HELZ: variants seen among roughly 807,000 people sequenced by gnomAD.
HELZ encodes the protein helicase with zinc finger.
A neutral mutation model predicts 218.2 loss-of-function variants in HELZ; 23 were observed. That is an observed-to-expected ratio of 0.11 (90% CI 0.08 to 0.15). The LOEUF is 0.15. Ranked by LOEUF, HELZ falls within the 10% of genes least tolerant of loss-of-function variation. HELZ has a pLI of 1.00. For missense variants in HELZ, 1,813 were observed against 2,353.7 expected, an observed-to-expected ratio of 0.77 and a Z score of 4.75; for synonymous variants, 814 against 829.4, an observed-to-expected ratio of 0.98 and a Z score of 0.32.
chr17:67,190,458 C>T (rs1439363210), intron 9 of HELZ, 103 bp from the exon 10 acceptor site: 3 of 826,452 alleles, frequency 3.6e-6, no homozygotes, highest in Admixed American at 4.6e-5. Flanking sequence ...AACAAAACTT[C>T]ATGTGCTGAA....
intron 3 of HELZ, among the ~76,000 whole-genome samples, chr17:67,229,542 C>T (rs2040981918): frequency 6.6e-6 from 1 of 152,120 alleles, no homozygotes; most frequent in Non-Finnish European, 1.5e-5. Context: ...AATTAGAATC[C>T]ATTTTATACC....
chr17:67,109,716 T>G (rs776850474), intron 28 of HELZ, 30 bp from the exon 29 acceptor site: 6 of 1,526,624 alleles, frequency 3.9e-6, no homozygotes, highest in Non-Finnish European at 5.4e-6. Context: ...CTTTTTTAAC[T>G]GCAGAAGATT....
At chr17:67,080,436 T>C (rs1045712242) in intron 32 of HELZ, among the ~76,000 whole-genome samples, 11 of 152,226 alleles carry the variant, frequency 7.2e-5, no homozygotes, top group Admixed American at 5.2e-4. Context: ...AGATAAATTC[T>C]GGATATTCTC....
intron 24 of HELZ, among the ~76,000 whole-genome samples, chr17:67,126,056 G>C (rs1404458333): frequency 6.6e-6 from 1 of 152,184 alleles, no homozygotes; most frequent in Non-Finnish European, 1.5e-5. Context: ...CCAACAACCT[G>C]CATGATCTTG....
Position 67,077,519 on chromosome 17 carries a change from T to C in HELZ, c.*733A>G, listed in dbSNP as rs2036049310. 1 of 152,254 alleles carries C rather than the reference T, an allele frequency of 6.6e-6. No individual in the cohort carries two copies. Among genetic ancestry groups the C allele is most frequent in the African/African-American group, 2.4e-5 (1 of 41,400 alleles). The allele number at this position is 152,254 out of a possible 1,614,324, so 9.4% of individuals were successfully genotyped here. On this transcript the variant is annotated 3_prime_UTR_variant, in exon 33 of 33. Transcript: ENST00000358691. ...AAAAACACACACTATCAAATTAACATTAAAAACAAGCTTGAAGTGTAGCTT... is the reference window on the plus strand; with the variant it reads ...AAAAACACACACTATCAAATTAACACTAAAAACAAGCTTGAAGTGTAGCTT...
intron 6 of HELZ, among the ~76,000 whole-genome samples, chr17:67,202,576 G>A (rs2040195806): frequency 6.6e-6 from 1 of 152,118 alleles, no homozygotes; most frequent in Non-Finnish European, 1.5e-5. Context: ...CCATCAGAGT[G>A]GTTATGGATA....
At chr17:67,124,366 T>G (rs1202954993) in intron 24 of HELZ, among the ~76,000 whole-genome samples, 6 of 152,222 alleles carry the variant, frequency 3.9e-5, no homozygotes, top group African/African-American at 1.4e-4. Flanking sequence ...ATACATTTTC[T>G]AACAAATCAC....
intron 5 of HELZ, among the ~76,000 whole-genome samples, chr17:67,208,049 G>A (rs2040350716): frequency 6.6e-6 from 1 of 152,054 alleles, no homozygotes; most frequent in Admixed American, 6.6e-5. Context: ...ACCATGGTGA[G>A]TGGAAAAAAG....
At chr17:67,183,844 C>T (rs913595761) in intron 12 of HELZ, among the ~76,000 whole-genome samples, 2 of 151,678 alleles carry the variant, frequency 1.3e-5, no homozygotes, top group Non-Finnish European at 2.9e-5. Flanking sequence ...GAACCCGAAT[C>T]TCCCCAACAA....
intron 3 of HELZ, among the ~76,000 whole-genome samples, chr17:67,221,396 C>T (rs572756247): frequency 6.6e-6 from 1 of 152,316 alleles, no homozygotes; most frequent in South Asian, 2.1e-4. Context: ...TTCATAAAGT[C>T]CATGGATACC....
At position 67,128,675 on chromosome 17, in the gene HELZ, G is replaced by T; in HGVS notation, c.3363C>A (p.Asn1121Lys). The change falls in exon 24 of 33, where the codon AAC becomes AAA. Residue 1121 changes from asparagine to lysine, a missense_variant. Physicochemically the swap from Asn to Lys is moderately conservative, Grantham distance 94. Around this residue, in one of 4 missense-constraint regions of HELZ, gnomAD observed 938 missense variants for 1,027.5 expected, o/e 0.91. Transcript: ENST00000358691. ...CCTTGGGTGGTGATTGCTGCTGTTT[G>T]TTGGTACTTCCTGAATGCTGCAGTC... ...ALRLQHSGST[N>K]KQQQSPPKGK... is the part of the protein sequence containing the mutation. The T allele has an allele frequency of 6.2e-7, 1 of 1,614,126 alleles. No homozygotes were observed.
intron 23 of HELZ, among the ~76,000 whole-genome samples, chr17:67,129,289 A>G (rs984178814): frequency 6.6e-6 from 1 of 152,006 alleles, no homozygotes; most frequent in Non-Finnish European, 1.5e-5. Flanking sequence ...TATAAATCAC[A>G]TAATTCTAAT....
intron 31 of HELZ, among the ~76,000 whole-genome samples, chr17:67,095,208 A>G (rs2036705973): frequency 6.6e-6 from 1 of 152,188 alleles, no homozygotes; most frequent in Admixed American, 6.5e-5. Context: ...AGATTCCATC[A>G]CAAAAAAACA....
intron 28 of HELZ, 22 bp downstream of exon 28, chr17:67,114,302 A>T (rs1195701263): frequency 2.0e-5 from 30 of 1,526,140 alleles, no homozygotes; most frequent in Non-Finnish European, 2.5e-5. Flanking sequence ...CACTAGGACA[A>T]CACAGTAACT....
Position 67,158,380 on chromosome 17 carries a change from C to T in HELZ, c.2177+1881G>A, listed in dbSNP as rs184164295. ...CTCAGTCATTCTAATCTTCTCTATT[C>T]CATTTCACATGCCTCCCATGTTTGT... On this transcript the variant is annotated intron_variant, in intron 17 of 32. Coordinates refer to ENST00000358691, the MANE Select transcript of HELZ (RefSeq NM_014877.4). 1.4e-3 allele frequency among the ~76,000 whole-genome samples: 213 copies of T among 152,268 alleles called. 1 individual carries two copies. The highest frequency in any genetic ancestry group is 6.8e-3 in the Middle Eastern group (2 of 294).
At chr17:67,105,940 T>C (rs1233870045) in intron 31 of HELZ, among the ~76,000 whole-genome samples, 2 of 152,236 alleles carry the variant, frequency 1.3e-5, no homozygotes, top group East Asian at 3.8e-4. Context: ...GCTTTCCCTA[T>C]GAATCTTGAC....
At chr17:67,225,317 T>C (rs2040860483) in intron 3 of HELZ, 3 of 193,922 alleles carry the variant, frequency 1.5e-5, no homozygotes, top group African/African-American at 4.8e-5. Context: ...AGTTAACTTA[T>C]CCAGTTACAC....
chr17:67,153,251 A>G lies in HELZ; in HGVS notation c.2178-2027T>C, dbSNP rs185097351. ...CTGTACAAAGAAAAAAGTATGCAGG[A>G]AAGAAGAAGCTGTGTATCCAGGAAA... On this transcript the variant is annotated intron_variant, in intron 17 of 32. Transcript: ENST00000358691. Among the ~76,000 whole-genome samples, 7 of 152,328 alleles carry G rather than the reference A, an allele frequency of 4.6e-5. No individual in the cohort carries two copies. In the East Asian group the frequency reaches 1.2e-3, roughly 25 times the overall value.
In HELZ at chr17:67,148,678, T is replaced by G; in HGVS notation, c.2512A>C (p.Arg838=). The part of the protein sequence containing the change: ...PFVYSEFARE[R]NLHVSLLDRL... ...TCAAGTAATGAAACGTGAAGGTTTCTCTCCCTGGCAAACTCGCTGTAAACA... is the reference window on the plus strand; with the variant it reads ...TCAAGTAATGAAACGTGAAGGTTTCGCTCCCTGGCAAACTCGCTGTAAACA... Residue 838 remains arginine, a synonymous_variant, in exon 20 of 33, where the codon AGA becomes CGA. Coordinates refer to ENST00000358691, the MANE Select transcript of HELZ (RefSeq NM_014877.4). 6.2e-7 allele frequency: 1 copy of G among 1,613,600 alleles called. No homozygotes were observed. Among genetic ancestry groups the G allele is most frequent in the Non-Finnish European group, 8.5e-7 (1 of 1,179,680 alleles).
Sources: allele counts gnomAD v4.1 joint callset (sites outside exome capture counted in the v4.1 genomes callset), GRCh38; gene constraint gnomAD v4.1.1; regional missense constraint gnomAD v4.1.1; transcripts MANE v1.5; gene names NCBI Gene and HGNC (gene_info 2026-07-23, HGNC 2026-07-21).